CTSE: variants seen among roughly 807,000 people sequenced by gnomAD.
CTSE encodes cathepsin E.
A neutral mutation model predicts 42.8 loss-of-function variants in CTSE; 43 were observed. The observed-to-expected ratio is 1.01, with a 90% CI of 0.79 to 1.30. The LOEUF (loss-of-function observed/expected upper bound fraction) is 1.30. Among genes scored for constraint, CTSE ranks in the 50% most tolerant of loss-of-function variants. The pLI is 0.00. For missense variants in CTSE, 532 were observed against 493.5 expected (o/e 1.08, Z -0.74); for synonymous variants, 205 against 191.5 (o/e 1.07, Z -0.58).
intron 4 of CTSE, among the ~76,000 whole-genome samples, chr1:206,017,832 A>G (rs967070922): frequency 3.9e-5 from 6 of 152,086 alleles, no homozygotes; most frequent in Non-Finnish European, 8.8e-5. Context: ...AAGTTCACAT[A>G]TTAATCCCAA....
chr1:206,012,550 C>T lies in CTSE; in HGVS notation c.885G>A (p.Lys295=). ...SLITGPSDKI[K]QLQNAIGAAP... Reference sequence around the variant, plus strand: ...CTGCCCCAATGGCGTTTTGCAGCTGCTTAATCTTGTCGGAAGGGCCAGTGA... The same window carrying T: ...CTGCCCCAATGGCGTTTTGCAGCTGTTTAATCTTGTCGGAAGGGCCAGTGA... Residue 295 remains lysine, a synonymous_variant, in exon 7 of 9, where the codon AAG becomes AAA. Transcript: ENST00000358184. 1.2e-6 allele frequency: 2 copies of T among 1,614,008 alleles called. No homozygotes were observed. Among genetic ancestry groups the T allele is most frequent in the East Asian group, 2.2e-5 (1 of 44,876 alleles).
chr1:206,014,182 A>C, intron 5 of CTSE: 1 of 357,550 alleles, frequency 2.8e-6, no homozygotes, highest in Non-Finnish European at 5.2e-6. Context: ...TGTCATTCAG[A>C]ACCAAGGCCA....
chr1:206,016,300 C>T (rs554958258), intron 4 of CTSE, among the ~76,000 whole-genome samples, 170 bp from the exon 5 acceptor site: 1 of 152,204 alleles, frequency 6.6e-6, no homozygotes, highest in Admixed American at 6.5e-5. Flanking sequence ...ACAGGACATT[C>T]CAAACCTCAG....
rs1553277217 is a variant in CTSE at position 206,012,640 on chromosome 1, C to A, written c.795G>T (p.Val265=). The A allele has an allele frequency of 6.2e-7, 1 of 1,613,836 alleles. No homozygotes were observed. The highest frequency in any genetic ancestry group is 2.2e-5 in the East Asian group (1 of 44,882). ...CGGAGCAGAACATAACAGTGCCTCC[C>A]ACCTGGATGCTGAGGGGACAGGGTT... ...YWQIALDNIQ[V]GGTVMFCSEG... The change falls in exon 7 of 9, where the codon GTG becomes GTT. Residue 265 remains valine, a synonymous_variant. Transcript: ENST00000358184.
At chr1:206,022,052 G>C (rs1310076376) in intron 3 of CTSE, 98 bp downstream of exon 3, 2 of 778,240 alleles carry the variant, frequency 2.6e-6, no homozygotes, top group Non-Finnish European at 4.0e-6. Context: ...GGGATGGCCA[G>C]TTTCTGGAAC....
At chr1:206,012,487 C>T (rs1553277146) in intron 7 of CTSE, 21 bp downstream of exon 7, 1 of 1,613,986 alleles carries the variant, frequency 6.2e-7, no homozygotes, top group South Asian at 1.1e-5. Flanking sequence ...CCACCACTCC[C>T]TTGCGCAGGC....
intron 8 of CTSE, among the ~76,000 whole-genome samples, chr1:206,010,919 G>T (rs180895263): frequency 6.6e-6 from 1 of 152,054 alleles, no homozygotes; most frequent in South Asian, 2.1e-4. Context: ...TGGCAAAGAC[G>T]TGCTCTACCA....
In CTSE at chr1:206,021,948, A is replaced by G. The variant is rs572966653; in HGVS notation, c.343+202T>C. 2.7e-4 allele frequency among the ~76,000 whole-genome samples: 41 copies of G among 152,242 alleles called. 2 individuals are homozygous for G. The South Asian group carries it at 5.0e-3, about 18-fold the overall frequency. ...TATGAAAGTTACTCTCTTGGACAGCAGCCACATTTTAGTTCTTCCTTGGCT... is the reference window on the plus strand; with the variant it reads ...TATGAAAGTTACTCTCTTGGACAGCGGCCACATTTTAGTTCTTCCTTGGCT... On this transcript the variant is annotated intron_variant, in intron 3 of 8. Transcript: ENST00000358184.
In CTSE at chr1:206,013,791, A is replaced by T. The variant is rs781792262; in HGVS notation, c.766T>A (p.Trp256Arg). Residue 256 changes from tryptophan to arginine, a missense_variant, in exon 6 of 9, where the codon TGG becomes AGG. By Grantham distance (101) the Trp-to-Arg change is moderately radical (BLOSUM62 -3). Transcript: ENST00000358184. ...NWVPVTKQAYWQIALDNIQVG... is the reference protein window; with the variant it reads ...NWVPVTKQAYRQIALDNIQVG... ...ACTCACTTATCCAGTGCAATCTGCC[A>T]GTAAGCTTGCTTGGTGACTGGGACC... 1.2e-6 allele frequency: 2 copies of T among 1,613,852 alleles called. No homozygotes were observed. Among genetic ancestry groups the T allele is most frequent in the South Asian group, 1.1e-5 (1 of 91,074 alleles).
chr1:206,012,629 A>G lies in CTSE; in HGVS notation c.806T>C (p.Val269Ala). 1.2e-6 allele frequency: 2 copies of G among 1,613,924 alleles called. No homozygotes were observed. The highest frequency in any genetic ancestry group is 1.7e-6 in the Non-Finnish European group (2 of 1,179,890). ...ALDNIQVGGT[V>A]MFCSEGCQAI... ...CTGGCAGCCCTCGGAGCAGAACATA[A>G]CAGTGCCTCCCACCTGGATGCTGAG... The change falls in exon 7 of 9, where the codon GTT becomes GCT. Residue 269 changes from valine to alanine, a missense_variant. Val to Ala is a moderately conservative substitution (Grantham distance 64). Transcript: ENST00000358184.
In CTSE at chr1:206,009,476, A is replaced by G. The variant is rs1161289374; in HGVS notation, c.*707T>C. The G allele has an allele frequency of 2.0e-5, 3 of 152,136 alleles. No individual in the cohort carries two copies. Among genetic ancestry groups the G allele is most frequent in the Non-Finnish European group, 4.4e-5 (3 of 68,062 alleles). 9.4% of individuals were successfully genotyped at this position (152,136 alleles called of 1,614,324 possible). A position where few individuals can be genotyped will look rare whatever the true frequency, so the allele number is the denominator to read the frequency against. ...ATAGGAAAGATAAGTTCAGAGAACC[A>G]TGTCAAATGACACCTCGGGATTTCA... On this transcript the variant is annotated 3_prime_UTR_variant, in exon 9 of 9. Coordinates refer to ENST00000358184, the MANE Select transcript of CTSE (RefSeq NM_001910.4).
chr1:206,019,997 A>G (rs147596263), intron 4 of CTSE, among the ~76,000 whole-genome samples: 3,018 of 144,544 alleles, frequency 0.021, 101 homozygotes, highest in African/African-American at 0.07. Context: ...TATAACATAT[A>G]TTAATGTAAT....
Position 206,009,549 on chromosome 1 carries a change from A to G in CTSE, c.*634T>C, listed in dbSNP as rs1268011199. On this transcript the variant is annotated 3_prime_UTR_variant, in exon 9 of 9. Coordinates refer to ENST00000358184, the MANE Select transcript of CTSE (RefSeq NM_001910.4). The stretch of plus-strand genomic sequence containing the variant: ...AAACTCTGTAGATGGAAAGAGACTT[A>G]CAGACATTTCAAATAAATGCAATAT... The G allele has an allele frequency of 6.5e-6, 1 of 152,784 alleles. No homozygotes were observed. The highest frequency in any genetic ancestry group is 2.4e-5 in the African/African-American group (1 of 41,452). The allele number at this position is 152,784 out of a possible 1,614,324, so 9.5% of individuals were successfully genotyped here.
chr1:206,014,525 C>A (rs1394941824), intron 5 of CTSE, among the ~76,000 whole-genome samples: 1 of 151,890 alleles, frequency 6.6e-6, no homozygotes, highest in Admixed American at 6.6e-5. Context: ...GAGTGAATAC[C>A]TGTAGGAATT....
chr1:206,019,998 TTAATG>T (rs1661370448), intron 4 of CTSE, among the ~76,000 whole-genome samples: 1 of 144,678 alleles, frequency 6.9e-6, no homozygotes, highest in Non-Finnish European at 1.5e-5. Flanking sequence ...ATAACATATA[TTAATG>T]TAATGTATTA....
rs919042526 is a variant in CTSE, at chr1:206,010,086, A to G, written c.*97T>C. 2.7e-6 allele frequency: 4 copies of G among 1,506,032 alleles called. No individual in the cohort carries two copies. The highest frequency in any genetic ancestry group is 1.7e-5 in the Admixed American group (1 of 58,856). 93.3% of individuals were successfully genotyped at this position (1,506,032 alleles called of 1,614,324 possible). A position where few individuals can be genotyped will look rare whatever the true frequency, so the allele number is the denominator to read the frequency against. Reference sequence around the variant, plus strand: ...AAGTTGCAACCCTGGAAACAGCTACATTCTCTGGAAAATAACTTTTTGTAG... The same window carrying G: ...AAGTTGCAACCCTGGAAACAGCTACGTTCTCTGGAAAATAACTTTTTGTAG... On this transcript the variant is annotated 3_prime_UTR_variant, in exon 9 of 9. Transcript: ENST00000358184.
intron 4 of CTSE, among the ~76,000 whole-genome samples, chr1:206,017,757 G>A (rs545458099): frequency 7.2e-5 from 11 of 152,134 alleles, no homozygotes; most frequent in Non-Finnish European, 1.5e-4. Context: ...GATTACAGGC[G>A]TGAGCCACTG....
intron 8 of CTSE, among the ~76,000 whole-genome samples, chr1:206,012,041 C>A (rs966140484): frequency 1.1e-4 from 16 of 152,072 alleles, no homozygotes; most frequent in African/African-American, 3.9e-4. Flanking sequence ...AGTGGAAAAG[C>A]CCTACATGGC....
At chr1:206,021,239 G>C (rs1661411089) in intron 3 of CTSE, 72 bp from the exon 4 acceptor site, 3 of 1,197,422 alleles carry the variant, frequency 2.5e-6, no homozygotes, top group Non-Finnish European at 2.5e-6. Context: ...ATGCCACCCA[G>C]CCCCACAGCG....
Sources: allele counts gnomAD v4.1 joint callset (sites outside exome capture counted in the v4.1 genomes callset), GRCh38; gene constraint gnomAD v4.1.1; transcripts MANE v1.5; gene names NCBI Gene and HGNC (gene_info 2026-07-23, HGNC 2026-07-21).